The following AKAP8 variants were observed in gnomAD, a reference collection of about 807,000 sequenced individuals.
AKAP8 encodes the protein A-kinase anchor protein 8.
In AKAP8, 24 loss-of-function variants were observed where a neutral mutation model predicts 67.5. That is an observed-to-expected ratio of 0.36 (90% CI 0.26 to 0.50). The LOEUF (loss-of-function observed/expected upper bound fraction) is 0.50, where lower values mean the gene tolerates loss of function less well. AKAP8 is among the 20% of genes least tolerant of loss of function. The pLI, the probability that AKAP8 is intolerant of heterozygous loss-of-function variation, is 0.97. For missense variants in AKAP8, 971 were observed against 955.9 expected, an observed-to-expected ratio of 1.02 and a Z score of -0.21; for synonymous variants, 400 against 371.1, an observed-to-expected ratio of 1.08 and a Z score of -0.90.
rs766544790 is a variant in AKAP8 at position 15,373,986 on chromosome 19, C to T, written c.171G>A (p.Ser57=). The change falls in exon 4 of 14, where the codon TCG becomes TCA. Residue 57 remains serine (S), a synonymous_variant. Transcript: ENST00000269701. The part of the protein sequence containing the change: ...TGATYSYGPA[S]WEAAKANDGG... ...CATCATTGGCCTTGGCGGCCTCCCA[C>T]GAGGCTGGGCCGTAGCTGTAGGTTG... 1.5e-5 allele frequency: 24 copies of T among 1,612,804 alleles called. No individual in the cohort carries two copies. Among genetic ancestry groups the T allele is most frequent in the South Asian group, 5.5e-5 (5 of 91,028 alleles).
intron 13 of AKAP8, among the ~76,000 whole-genome samples, chr19:15,356,244 C>CA (rs935211549): frequency 5.9e-4 from 84 of 141,344 alleles, no homozygotes; most frequent in South Asian, 2.7e-3. Context: ...ACTAAAAATA[C>CA]AAAAAAAAAA....
At chr19:15,379,494 C>T (rs2145093338) in intron 1 of AKAP8, 1 of 491,854 alleles carries the variant, frequency 2.0e-6, no homozygotes, top group East Asian at 3.6e-5. Context: ...TCCCGCCCGC[C>T]TCCTCGGGGC....
At chr19:15,370,062 C>T in intron 8 of AKAP8, 84 bp downstream of exon 8, 1 of 1,558,930 alleles carries the variant, frequency 6.4e-7, no homozygotes, top group Admixed American at 1.7e-5. Context: ...CCATCCAGGC[C>T]CCTGGCTTGC....
intron 7 of AKAP8, 138 bp from the exon 8 acceptor site, chr19:15,370,317 G>T: frequency 2.1e-6 from 2 of 941,616 alleles, no homozygotes; most frequent in Non-Finnish European, 3.3e-6. Flanking sequence ...ATGAGCCACA[G>T]TGTGTTAGGA....
In AKAP8 at chr19:15,362,203, T is replaced by C; in HGVS notation, c.1209A>G (p.Glu403=). The C allele has an allele frequency of 6.2e-7, 1 of 1,614,090 alleles. No homozygotes were observed. The highest frequency in any genetic ancestry group is 8.5e-7 in the Non-Finnish European group (1 of 1,179,996). ...TGCTTTGCAGATGCTTCTGGATCTCTTCGTCATCAAAGCTACGGAACTTGC... is the reference window on the plus strand; with the variant it reads ...TGCTTTGCAGATGCTTCTGGATCTCCTCGTCATCAAAGCTACGGAACTTGC... The part of the protein sequence containing the change: ...SVCKFRSFDD[E]EIQKHLQSKF... The change falls in exon 10 of 14, where the codon GAA becomes GAG. Residue 403 remains glutamate (E), a synonymous_variant. Coordinates refer to ENST00000269701, the MANE Select transcript of AKAP8 (RefSeq NM_005858.4).
At chr19:15,364,081 TAAATAAATA>T (rs1243173086) in intron 9 of AKAP8, among the ~76,000 whole-genome samples, 6 of 12,266 alleles carry the variant, frequency 4.9e-4, no homozygotes, top group Non-Finnish European at 7.4e-4. Context: ...AATAAATAAA[TAAATAAATA>T]AATAAATTGG....
chr19:15,359,797 G>A (rs1041132375), intron 12 of AKAP8, among the ~76,000 whole-genome samples: 4 of 152,132 alleles, frequency 2.6e-5, no homozygotes, highest in Non-Finnish European at 4.4e-5. Flanking sequence ...TGACTTGTTT[G>A]CACAATGGTC....
intron 1 of AKAP8, among the ~76,000 whole-genome samples, chr19:15,377,555 G>A (rs1315776200): frequency 6.6e-6 from 1 of 152,088 alleles, no homozygotes; most frequent in East Asian, 1.9e-4. Flanking sequence ...TGCAAGCTCC[G>A]CCTCCTGGGT....
At chr19:15,370,204 C>G in intron 7 of AKAP8, 25 bp from the exon 8 acceptor site, 1 of 1,613,900 alleles carries the variant, frequency 6.2e-7, no homozygotes, top group Non-Finnish European at 8.5e-7. Flanking sequence ...ACACAAAGTC[C>G]GGCAGTGAGC....
intron 1 of AKAP8, among the ~76,000 whole-genome samples, chr19:15,378,814 C>A (rs2145091746): frequency 6.6e-6 from 1 of 152,298 alleles, no homozygotes; most frequent in South Asian, 2.1e-4. Context: ...GCTCTGATTC[C>A]AGAAGCAGGG....
intron 3 of AKAP8, 146 bp from the exon 4 acceptor site, chr19:15,374,211 G>T: frequency 9.7e-7 from 1 of 1,029,786 alleles, no homozygotes; most frequent in Non-Finnish European, 1.4e-6. Flanking sequence ...ACACTGCACT[G>T]TGACCTGCCA....
intron 5 of AKAP8, among the ~76,000 whole-genome samples, 199 bp from the exon 6 acceptor site, chr19:15,372,546 G>A (rs1435589918): frequency 1.3e-5 from 2 of 152,096 alleles, no homozygotes; most frequent in African/African-American, 2.4e-5. Context: ...CACACGTTTC[G>A]CGACTCCATT....
intron 9 of AKAP8, among the ~76,000 whole-genome samples, chr19:15,366,209 T>C (rs1967068056): frequency 1.4e-5 from 2 of 145,984 alleles, no homozygotes; most frequent in Non-Finnish European, 3.0e-5. Flanking sequence ...TATACCCTTC[T>C]CCCAGTACTC....
chr19:15,379,564 C>T, intron 1 of AKAP8, 149 bp downstream of exon 1: 1 of 773,142 alleles, frequency 1.3e-6, no homozygotes, highest in Non-Finnish European at 1.9e-6. Context: ...CAATGAGCGG[C>T]GCGCGCGCGC....
intron 4 of AKAP8, 62 bp downstream of exon 4, chr19:15,373,724 T>A: frequency 6.6e-7 from 1 of 1,526,042 alleles, no homozygotes; most frequent in East Asian, 2.3e-5. Flanking sequence ...GGGTGCCCAC[T>A]CCCATGCGCA....
At chr19:15,361,975 G>T (rs969114059) in intron 10 of AKAP8, 135 bp downstream of exon 10, 4 of 1,393,862 alleles carry the variant, frequency 2.9e-6, no homozygotes, top group African/African-American at 1.4e-5. Flanking sequence ...TGTGACTCAG[G>T]GACTTACACA....
chr19:15,372,721 T>A, intron 5 of AKAP8, 130 bp downstream of exon 5: 1 of 1,290,582 alleles, frequency 7.7e-7, no homozygotes, highest in Non-Finnish European at 1.0e-6. Flanking sequence ...CACAATCCTG[T>A]AAATTAACTA....
At chr19:15,362,072 G>C in intron 10 of AKAP8, 38 bp downstream of exon 10, 1 of 1,610,478 alleles carries the variant, frequency 6.2e-7, no homozygotes. Flanking sequence ...CTGCGGGATG[G>C]GCAAGAGACG....
intron 8 of AKAP8, chr19:15,368,782 GC>G (rs1205845340): frequency 7.4e-5 from 73 of 985,252 alleles, no homozygotes; most frequent in Non-Finnish European, 8.7e-5. Context: ...ACTGTGACGA[GC>G]GTCCTGGCGG....
Sources: gnomAD v4.1 joint callset for allele counts (sites outside exome capture counted in the v4.1 genomes callset) on GRCh38, gnomAD v4.1.1 for gene constraint, MANE v1.5 for transcripts, NCBI Gene and HGNC (gene_info 2026-07-23, HGNC 2026-07-21) for gene names.